ARID1B: variants seen among roughly 807,000 people sequenced by gnomAD.
The protein encoded by ARID1B is AT-rich interaction domain 1B.
A neutral mutation model predicts 212.3 loss-of-function variants in ARID1B; 30 were observed. That is an observed-to-expected ratio of 0.14 (90% CI 0.11 to 0.19). ARID1B has a LOEUF of 0.19. Among genes scored for constraint, ARID1B ranks in the 10% least tolerant of loss-of-function variants. The probability of loss-of-function intolerance (pLI) is 1.00; values close to 1 mark genes in which losing one functional copy is unlikely to be tolerated. For missense variants in ARID1B, 2,891 were observed against 3,204.0 expected (o/e 0.90, Z 2.36); for synonymous variants, 1,402 against 1,301.7 (o/e 1.08, Z -1.66).
intron 4 of ARID1B, among the ~76,000 whole-genome samples, chr6:156,987,786 A>G (rs1778023891): frequency 2.0e-5 from 3 of 152,204 alleles, no homozygotes; most frequent in African/African-American, 7.2e-5. Context: ...GACAGGCCCC[A>G]TTAGCCCTTG....
Position 157,201,636 on chromosome 6 carries a change from T to C in ARID1B, c.5263+148T>C. On this transcript the variant is annotated intron_variant, in intron 18 of 19. Coordinates refer to ENST00000636930, the MANE Select transcript of ARID1B (RefSeq NM_001374828.1). This position sits in a 1 kb window ranked among gnomAD's most constrained non-coding sequence, Gnocchi z 5.2. ...AAGATGCGTTTTTATATAGGAGTAA[T>C]ATAGTTGGAGGCTGCTAATCTGAAT... 9.9e-7 allele frequency: 1 copy of C among 1,009,610 alleles called. No individual in the cohort carries two copies. Among genetic ancestry groups the C allele is most frequent in the Non-Finnish European group, 1.4e-6 (1 of 734,550 alleles). The allele number at this position is 1,009,610 out of a possible 1,614,324, so 62.5% of individuals were successfully genotyped here.
chr6:156,894,730 T>C (rs1366245493), intron 2 of ARID1B, among the ~76,000 whole-genome samples: 1 of 152,238 alleles, frequency 6.6e-6, no homozygotes, highest in Non-Finnish European at 1.5e-5. Context: ...AGGTCTGTGA[T>C]AGAAACTGGG....
chr6:157,039,538 C>G (rs554784456), intron 4 of ARID1B, among the ~76,000 whole-genome samples: 62 of 151,830 alleles, frequency 4.1e-4, no homozygotes, highest in South Asian at 2.9e-3. Context: ...CACCTTGTTA[C>G]CCAGGATGGG....
chr6:156,883,642 C>T (rs150543607), intron 2 of ARID1B, among the ~76,000 whole-genome samples: 4 of 152,152 alleles, frequency 2.6e-5, no homozygotes, highest in Admixed American at 6.5e-5. Context: ...TCTCACTCTC[C>T]GATCCTCACC....
chr6:157,193,082 C>T (rs1229132839), intron 15 of ARID1B, among the ~76,000 whole-genome samples: 1 of 152,192 alleles, frequency 6.6e-6, no homozygotes, highest in East Asian at 1.9e-4. Context: ...TTCCTTACTT[C>T]ACTGATTGAG....
intron 2 of ARID1B, among the ~76,000 whole-genome samples, chr6:156,865,341 T>C (rs926332258): frequency 2.0e-5 from 3 of 152,346 alleles, no homozygotes; most frequent in East Asian, 1.9e-4. Flanking sequence ...GCATGACTTA[T>C]AGATTGAGAA....
chr6:156,882,688 G>A (rs1029767249), intron 2 of ARID1B, among the ~76,000 whole-genome samples: 2 of 152,090 alleles, frequency 1.3e-5, no homozygotes, highest in African/African-American at 4.8e-5. Context: ...ATACTTTTTC[G>A]TAGGATTGTT....
intron 3 of ARID1B, chr6:156,901,860 A>T (rs1019266420): frequency 9.8e-6 from 3 of 305,982 alleles, no homozygotes; most frequent in African/African-American, 6.5e-5. Flanking sequence ...ATTCAGGAGA[A>T]GGATTTTATC....
intron 4 of ARID1B, among the ~76,000 whole-genome samples, chr6:156,991,362 C>T (rs572496202): frequency 1.2e-4 from 18 of 152,246 alleles, no homozygotes; most frequent in African/African-American, 4.1e-4. Context: ...TCCCAAGTAG[C>T]TGGGATTACA....
At chr6:156,974,261 C>G (rs6557514) in intron 4 of ARID1B, among the ~76,000 whole-genome samples, 6,334 of 152,180 alleles carry the variant, frequency 0.042, 430 homozygotes, top group African/African-American at 0.14. Context: ...ATTTTGGGAG[C>G]TTTATCTTTA....
intron 2 of ARID1B, among the ~76,000 whole-genome samples, chr6:156,837,773 G>A (rs1316065364): frequency 2.0e-5 from 3 of 152,224 alleles, no homozygotes; most frequent in East Asian, 3.8e-4. Flanking sequence ...GGATTATAAA[G>A]AAGCAGCAGC....
chr6:157,118,215 G>T (rs949009455), intron 6 of ARID1B, among the ~76,000 whole-genome samples: 1 of 152,206 alleles, frequency 6.6e-6, no homozygotes, highest in African/African-American at 2.4e-5. Flanking sequence ...TAATTGTTAA[G>T]GAGTTGGAAG....
intron 3 of ARID1B, among the ~76,000 whole-genome samples, chr6:156,914,694 C>G (rs1003056176): frequency 1.3e-5 from 2 of 152,128 alleles, no homozygotes; most frequent in African/African-American, 4.8e-5. Flanking sequence ...TATGTATGTC[C>G]AGCTCCTGCA....
At chr6:157,055,032 G>A (rs1473953192) in intron 4 of ARID1B, among the ~76,000 whole-genome samples, 2 of 152,206 alleles carry the variant, frequency 1.3e-5, no homozygotes, top group African/African-American at 4.8e-5. Flanking sequence ...TCACCACTGG[G>A]AAGCATCCTC....
At chr6:157,018,212 CTT>C (rs1208883079) in intron 4 of ARID1B, among the ~76,000 whole-genome samples, 7 of 72,432 alleles carry the variant, frequency 9.7e-5, no homozygotes, top group East Asian at 4.5e-4. Context: ...AAGTAGTATG[CTT>C]TTTTTTTTTT....
chr6:156,893,049 T>TCTTTTC, intron 2 of ARID1B, among the ~76,000 whole-genome samples: 1 of 137,600 alleles, frequency 7.3e-6, no homozygotes, highest in African/African-American at 2.9e-5. Context: ...TTCTTCCTTT[T>TCTTTTC]TTTTTTTTTT....
chr6:156,968,077 A>T (rs1024114955), intron 4 of ARID1B, among the ~76,000 whole-genome samples: 5 of 152,156 alleles, frequency 3.3e-5, no homozygotes, highest in African/African-American at 1.2e-4. Flanking sequence ...TCCTGCAGGG[A>T]GCTGTCTCCC....
At chr6:157,091,203 A>G (rs1328190300) in intron 5 of ARID1B, among the ~76,000 whole-genome samples, 4 of 152,304 alleles carry the variant, frequency 2.6e-5, no homozygotes, top group Admixed American at 2.6e-4. Flanking sequence ...AGAGGGCGAG[A>G]GATGCATCCA....
intron 9 of ARID1B, chr6:157,169,309 A>G (rs903106542): frequency 1.3e-5 from 2 of 152,280 alleles, no homozygotes; most frequent in Non-Finnish European, 2.9e-5. Flanking sequence ...CAGTGCAACC[A>G]GCATTCCAGC....
Sources: allele counts gnomAD v4.1 joint callset (sites outside exome capture counted in the v4.1 genomes callset), GRCh38; gene constraint gnomAD v4.1.1; non-coding constraint Gnocchi (gnomAD v3.1); transcripts MANE v1.5; gene names NCBI Gene and HGNC (gene_info 2026-07-23, HGNC 2026-07-21).